Variants in PRKD1 observed in about 807,000 individuals in gnomAD.
The protein encoded by PRKD1 is serine/threonine-protein kinase D1.
Under a neutral mutation model 95.9 loss-of-function variants are expected in PRKD1, and 63 were observed. The ratio of observed to expected loss-of-function variants is 0.66; its 90% confidence interval spans 0.54 to 0.81. The LOEUF is 0.81. Among genes scored for constraint, PRKD1 ranks in the 30% least tolerant of loss-of-function variants. The pLI is 0.00. For synonymous variants in PRKD1, 425 were observed against 423.1 expected (o/e 1.00, Z -0.05); for missense variants, 1,048 against 1,165.3 (o/e 0.90, Z 1.47).
chr14:29,597,428 T>A, intron 16 of PRKD1, 63 bp downstream of exon 16: 1 of 1,402,160 alleles, frequency 7.1e-7, no homozygotes, highest in African/African-American at 1.5e-5. Context: ...TTAAATTAAT[T>A]TAAATTAATA....
At chr14:29,787,372 C>T (rs1415234216) in intron 1 of PRKD1, among the ~76,000 whole-genome samples, 1 of 151,832 alleles carries the variant, frequency 6.6e-6, no homozygotes, top group African/African-American at 2.4e-5. Flanking sequence ...CAGATTAAGT[C>T]CAATGTTACT....
intron 1 of PRKD1, among the ~76,000 whole-genome samples, chr14:29,850,376 T>C (rs1018758463): frequency 6.8e-6 from 1 of 148,020 alleles, no homozygotes; most frequent in African/African-American, 2.5e-5. Context: ...ACAAAATCAA[T>C]ATACAAAAAT....
chr14:29,759,013 G>A (rs1887843330), intron 1 of PRKD1, among the ~76,000 whole-genome samples: 1 of 152,232 alleles, frequency 6.6e-6, no homozygotes, highest in South Asian at 2.1e-4. Flanking sequence ...CTCCAAAGCA[G>A]TAGTCTCTCA....
intron 13 of PRKD1, among the ~76,000 whole-genome samples, chr14:29,621,114 C>G (rs1006464062): frequency 1.6e-4 from 23 of 145,778 alleles, no homozygotes; most frequent in Non-Finnish European, 3.1e-4. Context: ...ACACTGCATG[C>G]TCTCACTCAT....
chr14:29,731,195 T>A (rs943951970), intron 1 of PRKD1, among the ~76,000 whole-genome samples: 1 of 152,192 alleles, frequency 6.6e-6, no homozygotes, highest in African/African-American at 2.4e-5. Flanking sequence ...GAATTTCTCT[T>A]TAACCCATGG....
At chr14:29,895,242 G>A (rs1230072125) in intron 1 of PRKD1, among the ~76,000 whole-genome samples, 1 of 152,058 alleles carries the variant, frequency 6.6e-6, no homozygotes, top group Non-Finnish European at 1.5e-5. Context: ...GCTTGAACCC[G>A]GGAGGCAGAG....
At chr14:29,666,020 G>A (rs1191417759) in intron 3 of PRKD1, 57 bp downstream of exon 3, 3 of 1,493,436 alleles carry the variant, frequency 2.0e-6, no homozygotes, top group African/African-American at 2.8e-5. Context: ...GAATTCTGCT[G>A]CGATAAACAC....
At chr14:29,788,771 T>C (rs995072806) in intron 1 of PRKD1, among the ~76,000 whole-genome samples, 1 of 152,174 alleles carries the variant, frequency 6.6e-6, no homozygotes, top group East Asian at 1.9e-4. Context: ...TTCTTTCTTA[T>C]GATATCTAGC....
chr14:29,742,511 G>T (rs1887023722), intron 1 of PRKD1, among the ~76,000 whole-genome samples: 1 of 152,132 alleles, frequency 6.6e-6, no homozygotes, highest in African/African-American at 2.4e-5. Context: ...CTAATGGTCT[G>T]TTGCTGTCTC....
At chr14:29,738,332 C>G (rs45479897) in intron 1 of PRKD1, among the ~76,000 whole-genome samples, 1,921 of 152,240 alleles carry the variant, frequency 0.013, 28 homozygotes, top group African/African-American at 0.044. Flanking sequence ...TTTCTCCCTC[C>G]CTCCTTCACT....
rs74189509 is a variant in PRKD1, at chr14:29,826,744, C to T, written c.264+100505G>A. Among the ~76,000 whole-genome samples the T allele has an allele frequency of 8.2e-3, 297 of 36,152 alleles. 7 individuals are homozygous for T. Among genetic ancestry groups the T allele is most frequent in the South Asian group, 0.029 (30 of 1,028 alleles). The allele number at this position is 36,152 out of a possible 152,430, so 23.7% of individuals were successfully genotyped here. On this transcript the variant is annotated intron_variant, in intron 1 of 17. Transcript: ENST00000331968. ...ATACATATATATACACATATATATA[C>T]ACATATATATATACATATATATATA...
At chr14:29,794,210 T>C (rs1307316611) in intron 1 of PRKD1, among the ~76,000 whole-genome samples, 1 of 152,010 alleles carries the variant, frequency 6.6e-6, no homozygotes, top group African/African-American at 2.4e-5. Flanking sequence ...ACAAGGGCCA[T>C]GATTTATAAT....
intron 1 of PRKD1, among the ~76,000 whole-genome samples, chr14:29,761,344 A>C (rs1887971617): frequency 6.6e-6 from 1 of 152,218 alleles, no homozygotes; most frequent in African/African-American, 2.4e-5. Flanking sequence ...CCAAATTCAT[A>C]AGTAACTTGG....
chr14:29,670,399 A>T (rs565707373), intron 2 of PRKD1, among the ~76,000 whole-genome samples: 120 of 152,330 alleles, frequency 7.9e-4, no homozygotes, highest in African/African-American at 2.7e-3. Flanking sequence ...ATTGTACAGA[A>T]TCCTGAAGGT....
chr14:29,675,952 G>T (rs530458721), intron 2 of PRKD1, among the ~76,000 whole-genome samples: 2 of 136,282 alleles, frequency 1.5e-5, no homozygotes, highest in Non-Finnish European at 3.1e-5. Flanking sequence ...ACACAGGAAG[G>T]GGAACATCAC....
chr14:29,580,367 G>C (rs746701561), intron 16 of PRKD1, among the ~76,000 whole-genome samples: 5 of 152,144 alleles, frequency 3.3e-5, no homozygotes, highest in African/African-American at 1.2e-4. Context: ...CAAGTGACCT[G>C]AGTAAGCACA....
chr14:29,773,617 TATAA>T (rs1277363295), intron 1 of PRKD1, among the ~76,000 whole-genome samples: 3 of 152,174 alleles, frequency 2.0e-5, no homozygotes, highest in African/African-American at 7.2e-5. Context: ...CTTTTGAAAA[TATAA>T]ATATATAATC....
chr14:29,635,033 GA>G (rs538015508), intron 7 of PRKD1, among the ~76,000 whole-genome samples: 169 of 141,788 alleles, frequency 1.2e-3, no homozygotes, highest in Middle Eastern at 7.4e-3. Context: ...GACTCCATCT[GA>G]AAAAAAAAAA....
intron 1 of PRKD1, among the ~76,000 whole-genome samples, chr14:29,756,822 C>A (rs1444115435): frequency 6.6e-6 from 1 of 152,218 alleles, no homozygotes; most frequent in Non-Finnish European, 1.5e-5. Context: ...ATCTGAAAGG[C>A]TCAGGACTCC....
Sources: gnomAD v4.1 joint callset for allele counts (sites outside exome capture counted in the v4.1 genomes callset) on GRCh38, gnomAD v4.1.1 for gene constraint, MANE v1.5 for transcripts, NCBI Gene and HGNC (gene_info 2026-07-23, HGNC 2026-07-21) for gene names.